The following DVL1 variants were observed in gnomAD, a reference collection of about 807,000 sequenced individuals.
DVL1 encodes the protein segment polarity protein dishevelled homolog DVL-1.
Under a neutral mutation model 65.0 loss-of-function variants are expected in DVL1, and 49 were observed. The ratio of observed to expected loss-of-function variants is 0.75; its 90% confidence interval spans 0.60 to 0.96. The LOEUF is 0.96. DVL1 is among the 40% of genes least tolerant of loss of function. The pLI is 0.00. For missense variants in DVL1, 1,197 were observed against 1,045.4 expected (o/e 1.15, Z -2.00); for synonymous variants, 608 against 433.9 (o/e 1.40, Z -4.99).
Position 1,339,413 on chromosome 1 carries a change from C to G in DVL1, c.1081G>C (p.Ala361Pro), listed in dbSNP as rs761519572. 7.5e-7 allele frequency: 1 copy of G among 1,335,702 alleles called. No individual in the cohort carries two copies. Among genetic ancestry groups the G allele is most frequent in the African/African-American group, 1.5e-5 (1 of 65,678 alleles). The allele number at this position is 1,335,702 out of a possible 1,614,324, so 82.7% of individuals were successfully genotyped here. A position where few individuals can be genotyped will look rare whatever the true frequency, so the allele number is the denominator to read the frequency against. The change falls in exon 11 of 15, where the codon GCC becomes CCC. Residue 361 changes from alanine (A) to proline (P), a missense_variant. By Grantham distance (27) the Ala-to-Pro change is conservative. Coordinates refer to ENST00000378888, the MANE Select transcript of DVL1 (RefSeq NM_001330311.2). Reference sequence around the variant, plus strand: ...GCCGCCGTGTGGGACAGCCAGGCGGCGGGGTCGATGGGCCGCACCGGGTCA... The same window carrying G: ...GCCGCCGTGTGGGACAGCCAGGCGGGGGGGTCGATGGGCCGCACCGGGTCA... ...RADPVRPIDP[A>P]AWLSHTAALT...
At chr1:1,346,108 G>A (rs1643911146) in intron 1 of DVL1, among the ~76,000 whole-genome samples, 1 of 152,154 alleles carries the variant, frequency 6.6e-6, no homozygotes, top group African/African-American at 2.4e-5. Context: ...CAGACCCCAA[G>A]TGGCACAGCC....
rs1303023707 is a variant in DVL1, at chr1:1,336,259, T to C, written c.1971A>G (p.Pro657=). The part of the protein sequence containing the change: ...TTKAYTVVGG[P]PGGPPVRELA... ...GCTCCCGGACAGGGGGTCCCCCGGG[T>C]GGCCCCCCCACCACTGTATAGGCCT... The change falls in exon 15 of 15, where the codon CCA becomes CCG. Residue 657 remains proline, a synonymous_variant. Transcript: ENST00000378888. The C allele has an allele frequency of 6.4e-7, 1 of 1,559,732 alleles. No homozygotes were observed. The highest frequency in any genetic ancestry group is 2.3e-5 in the East Asian group (1 of 42,596).
chr1:1,347,804 GCCCA>G (rs1643940975), intron 1 of DVL1, among the ~76,000 whole-genome samples: 1 of 152,038 alleles, frequency 6.6e-6, no homozygotes, highest in South Asian at 2.1e-4. Flanking sequence ...AGTGGGGAGC[GCCCA>G]GCCTTCAAAG....
intron 5 of DVL1, among the ~76,000 whole-genome samples, chr1:1,341,416 C>T (rs1420881245): frequency 2.6e-5 from 4 of 152,184 alleles, no homozygotes; most frequent in African/African-American, 2.4e-5. Context: ...CAAGCAGACA[C>T]GTGCATCATG....
Position 1,336,269 on chromosome 1 carries a change from A to G in DVL1, c.1961T>C (p.Val654Ala), listed in dbSNP as rs761979060. The G allele has an allele frequency of 7.2e-5, 113 of 1,563,264 alleles. No homozygotes were observed. Among genetic ancestry groups the G allele is most frequent in the Admixed American group, 2.0e-4 (11 of 53,966 alleles). ...PHPTTKAYTV[V>A]GGPPGGPPVR... ...AGGGGGTCCCCCGGGTGGCCCCCCC[A>G]CCACTGTATAGGCCTTGGTCGTGGG... Residue 654 changes from valine (V) to alanine (A), a missense_variant, in exon 15 of 15, where the codon GTG becomes GCG. Physicochemically the swap from Val to Ala is moderately conservative, Grantham distance 64. Transcript: ENST00000378888.
Position 1,336,060 on chromosome 1 carries a change from C to A in DVL1, c.*82G>T. ...ACCCTGCCTCCCGTCCTGGCCCCCACGAAGGCAAGCCCACGCGAGCTCTGC... is the reference window on the plus strand; with the variant it reads ...ACCCTGCCTCCCGTCCTGGCCCCCAAGAAGGCAAGCCCACGCGAGCTCTGC... On this transcript the variant is annotated 3_prime_UTR_variant, in exon 15 of 15. Transcript: ENST00000378888. 1 of 1,509,750 alleles carries A rather than the reference C, an allele frequency of 6.6e-7. No individual in the cohort carries two copies. Among genetic ancestry groups the A allele is most frequent in the Non-Finnish European group, 8.8e-7 (1 of 1,130,236 alleles). The allele number at this position is 1,509,750 out of a possible 1,614,324, so 93.5% of individuals were successfully genotyped here.
rs769513469 is a variant in DVL1 at position 1,342,477 on chromosome 1, A to G, written c.248T>C (p.Leu83Pro). ...FNGRVVSWLV[L>P]AEGAHSDAGS... is the part of the protein sequence containing the mutation. ...CGCATCCGAGTGAGCACCCTCAGCC[A>G]GGACCAGCTGTGGAGGGAGCAGGCA... Residue 83 changes from leucine to proline, a missense_variant, in exon 3 of 15, where the codon CTG (leucine) becomes CCG (proline). Transcript: ENST00000378888. 1.9e-6 allele frequency: 3 copies of G among 1,610,294 alleles called. No individual in the cohort carries two copies. Among genetic ancestry groups the G allele is most frequent in the Non-Finnish European group, 2.5e-6 (3 of 1,179,404 alleles).
intron 1 of DVL1, among the ~76,000 whole-genome samples, chr1:1,345,368 G>A (rs1643900752): frequency 6.6e-6 from 1 of 152,184 alleles, no homozygotes; most frequent in Non-Finnish European, 1.5e-5. Flanking sequence ...GGGAAGGGTG[G>A]GGTCTGCCTG....
At position 1,342,406 on chromosome 1, in the gene DVL1, C is replaced by G; in HGVS notation, c.319G>C (p.Glu107Gln). 2 of 1,598,134 alleles carry G rather than the reference C, an allele frequency of 1.3e-6. No homozygotes were observed. Among genetic ancestry groups the G allele is most frequent in the Non-Finnish European group, 1.7e-6 (2 of 1,173,574 alleles). Reference protein sequence around the residue: ...DSHTDLPPPLERTGGIGDSRP... With the variant: ...DSHTDLPPPLQRTGGIGDSRP... Reference sequence around the variant, plus strand: ...GAGTCCCCGATGCCGCCTGTCCGCTCAAGAGGCGGGGGCAGGTCTGTGTGG... The same window carrying G: ...GAGTCCCCGATGCCGCCTGTCCGCTGAAGAGGCGGGGGCAGGTCTGTGTGG... Residue 107 changes from glutamate (E) to glutamine (Q), a missense_variant, in exon 3 of 15, where the codon GAG (glutamate) becomes CAG (glutamine). Glu to Gln is a conservative substitution (Grantham distance 29). Coordinates refer to ENST00000378888, the MANE Select transcript of DVL1 (RefSeq NM_001330311.2).
In DVL1 at chr1:1,342,175, G is replaced by A. The variant is rs758754132; in HGVS notation, c.363-19C>T. ...ATTTGGGCTGTGCAACAAGAGCAGG[G>A]TGGGTGGGGAGGCCGTGGCCCCAGC... is the stretch of plus-strand genomic sequence containing the variant. On this transcript the variant is annotated intron_variant, in intron 3 of 14. Transcript: ENST00000378888. The A allele has an allele frequency of 4.6e-5, 71 of 1,545,216 alleles. No individual in the cohort carries two copies. Among genetic ancestry groups the A allele is most frequent in the Non-Finnish European group, 5.7e-5 (65 of 1,142,976 alleles).
intron 1 of DVL1, among the ~76,000 whole-genome samples, chr1:1,346,242 C>T (rs2765034): frequency 6.6e-6 from 1 of 152,186 alleles, no homozygotes; most frequent in Admixed American, 6.5e-5. Context: ...CCATGGCAGG[C>T]GGCCCTGGGG....
intron 5 of DVL1, 45 bp downstream of exon 5, chr1:1,341,622 C>G: frequency 6.4e-7 from 1 of 1,562,434 alleles, no homozygotes; most frequent in Non-Finnish European, 8.7e-7. Context: ...CAGACATTTG[C>G]AAGTGGGCAC....
intron 13 of DVL1, 40 bp downstream of exon 13, chr1:1,338,229 T>TGCCCCCCCC: frequency 3.9e-6 from 6 of 1,522,346 alleles, no homozygotes; most frequent in Non-Finnish European, 4.5e-6. Context: ...CCTCCGGCGT[T>TGCCCCCCCC]CCCCTCCCCC....
At chr1:1,341,826 G>A in intron 4 of DVL1, 21 bp from the exon 5 acceptor site, 1 of 1,560,232 alleles carries the variant, frequency 6.4e-7, no homozygotes, top group Non-Finnish European at 8.7e-7. Flanking sequence ...AGCAGGTTGG[G>A]AACTGACTGC....
At chr1:1,340,607 T>C in intron 5 of DVL1, 104 bp from the exon 6 acceptor site, 1 of 1,292,568 alleles carries the variant, frequency 7.7e-7, no homozygotes. Context: ...AGGCCAGGCT[T>C]GTTCCAAAGC....
chr1:1,336,369 C>T lies in DVL1; in HGVS notation c.1861G>A (p.Ala621Thr). ...CTGCTGCCACGGCTGAGCTGGCCGGCCGGACGCTCTCGCCAGCTGCTCCCC... is the reference window on the plus strand; with the variant it reads ...CTGCTGCCACGGCTGAGCTGGCCGGTCGGACGCTCTCGCCAGCTGCTCCCC... ...GVGSSWRERP[A>T]GQLSRGSSPR... The change falls in exon 15 of 15, where the codon GCC becomes ACC. Residue 621 changes from alanine (A) to threonine (T), a missense_variant. By Grantham distance (58) the Ala-to-Thr change is moderately conservative. Transcript: ENST00000378888. 1 of 1,597,380 alleles carries T rather than the reference C, an allele frequency of 6.3e-7. No individual in the cohort carries two copies. The highest frequency in any genetic ancestry group is 8.5e-7 in the Non-Finnish European group (1 of 1,178,136).
At position 1,339,182 on chromosome 1, in the gene DVL1, CG is replaced by C; in HGVS notation, c.1207+104del. 3 of 1,438,900 alleles carry C rather than the reference CG, an allele frequency of 2.1e-6. No homozygotes were observed. In the Admixed American group the frequency reaches 6.2e-5, roughly 30 times the overall value. The allele number at this position is 1,438,900 out of a possible 1,614,324, so 89.1% of individuals were successfully genotyped here. The stretch of plus-strand genomic sequence containing the variant: ...GGGAGTTGGGGACAGGCAACACACA[CG>C]TGTCACAGCCCCATGACGGCCACAG... On this transcript the variant is annotated intron_variant, in intron 11 of 14. Transcript: ENST00000378888.
chr1:1,341,058 T>C (rs1375159463), intron 5 of DVL1, among the ~76,000 whole-genome samples: 9 of 118,338 alleles, frequency 7.6e-5, no homozygotes, highest in East Asian at 2.7e-4. Flanking sequence ...TGCACACACA[T>C]GCACACCTGC....
chr1:1,348,950 T>C lies in DVL1; in HGVS notation c.116A>G (p.Asn39Ser). ...GAATTTGTAGGCGTGCACGGGCCGG[T>C]TGCTGAGCACGTTCTTGAAGTCGGC... ...TLADFKNVLSNRPVHAYKFFF... is the reference protein window; with the variant it reads ...TLADFKNVLSSRPVHAYKFFF... Residue 39 changes from asparagine to serine, a missense_variant, in exon 1 of 15, where the codon AAC becomes AGC. Physicochemically the swap from Asn to Ser is conservative, Grantham distance 46 (BLOSUM62 1). Coordinates refer to ENST00000378888, the MANE Select transcript of DVL1 (RefSeq NM_001330311.2). 2.5e-6 allele frequency: 4 copies of C among 1,574,280 alleles called. No individual in the cohort carries two copies. The highest frequency in any genetic ancestry group is 2.4e-5 in the East Asian group (1 of 41,282).
Sources: gnomAD v4.1 joint callset for allele counts (sites outside exome capture counted in the v4.1 genomes callset) on GRCh38, gnomAD v4.1.1 for gene constraint, MANE v1.5 for transcripts, NCBI Gene and HGNC (gene_info 2026-07-23, HGNC 2026-07-21) for gene names.